HS6ST3: variants seen among roughly 807,000 people sequenced by gnomAD.
HS6ST3 encodes heparan sulfate 6-O-sulfotransferase 3.
A neutral mutation model predicts 36.7 loss-of-function variants in HS6ST3; 12 were observed. That is an observed-to-expected ratio of 0.33 (90% confidence interval 0.21 to 0.53). The LOEUF is 0.53. Ranked by LOEUF, HS6ST3 falls within the 20% of genes least tolerant of loss-of-function variation. The pLI is 0.95. For synonymous variants in HS6ST3, 240 were observed against 257.5 expected, an observed-to-expected ratio of 0.93 and a Z score of 0.65; for missense variants, 584 against 640.9, an observed-to-expected ratio of 0.91 and a Z score of 0.96.
chr13:96,636,437 A>G (rs1023446646), intron 1 of HS6ST3, among the ~76,000 whole-genome samples: 1 of 152,128 alleles, frequency 6.6e-6, no homozygotes, highest in African/African-American at 2.4e-5. Flanking sequence ...TGAGAGGAGA[A>G]TTTGGCTCCA....
chr13:96,325,869 T>C (rs1291930309), intron 1 of HS6ST3, among the ~76,000 whole-genome samples: 1 of 152,224 alleles, frequency 6.6e-6, no homozygotes, highest in African/African-American at 2.4e-5. Flanking sequence ...TTTTGTGTGT[T>C]AAAATCATTT....
At chr13:96,284,970 T>C (rs1052609868) in intron 1 of HS6ST3, among the ~76,000 whole-genome samples, 1 of 138,006 alleles carries the variant, frequency 7.2e-6, no homozygotes, top group Non-Finnish European at 1.6e-5. Flanking sequence ...TTTCTTTCTT[T>C]CTTTCTTGAA....
chr13:96,200,262 C>T (rs1002586761), intron 1 of HS6ST3, among the ~76,000 whole-genome samples: 3 of 152,288 alleles, frequency 2.0e-5, no homozygotes, highest in African/African-American at 7.2e-5. Flanking sequence ...TCATACCCTG[C>T]AATGGCTCTC....
chr13:96,203,030 C>T (rs2054350929), intron 1 of HS6ST3, among the ~76,000 whole-genome samples: 1 of 152,196 alleles, frequency 6.6e-6, no homozygotes, highest in South Asian at 2.1e-4. Flanking sequence ...CTCACTCCCT[C>T]ACTCATTTAC....
At chr13:96,831,975 A>AAAAAAAAAAAAAAAAAAAAAAAAAAAC (rs1566464310) in intron 1 of HS6ST3, among the ~76,000 whole-genome samples, 1 of 148,538 alleles carries the variant, frequency 6.7e-6, no homozygotes, top group African/African-American at 2.5e-5. Flanking sequence ...AAAAAAAAAA[A>AAAAAAAAAAAAAAAAAAAAAAAAAAAC]AAAAACAGAG....
intron 1 of HS6ST3, among the ~76,000 whole-genome samples, chr13:96,402,142 T>C (rs1205612748): frequency 1.3e-5 from 2 of 152,176 alleles, no homozygotes; most frequent in Non-Finnish European, 2.9e-5. Context: ...CCCAGTTCTA[T>C]TTAGGCCTCT....
intron 1 of HS6ST3, among the ~76,000 whole-genome samples, chr13:96,553,881 CT>C (rs2056229426): frequency 6.6e-6 from 1 of 152,138 alleles, no homozygotes; most frequent in South Asian, 2.1e-4. Context: ...AAGGTAACAG[CT>C]TGATGAAGGA....
At chr13:96,207,026 T>C (rs1256601164) in intron 1 of HS6ST3, among the ~76,000 whole-genome samples, 5 of 152,088 alleles carry the variant, frequency 3.3e-5, no homozygotes, top group Admixed American at 3.3e-4. Flanking sequence ...ACAGACAGCC[T>C]AAAGAATGGA....
At chr13:96,356,031 A>G (rs2055208464) in intron 1 of HS6ST3, among the ~76,000 whole-genome samples, 1 of 152,154 alleles carries the variant, frequency 6.6e-6, no homozygotes, top group Non-Finnish European at 1.5e-5. Context: ...TACCCATTTA[A>G]GTTTTATCAT....
chr13:96,212,715 T>A lies in HS6ST3; in HGVS notation c.707+121146T>A, dbSNP rs562629639. 3.9e-5 allele frequency among the ~76,000 whole-genome samples: 6 copies of A among 152,222 alleles called. No individual in the cohort carries two copies. The South Asian group carries it at 8.3e-4, about 21-fold the overall frequency. ...TTTTATCCTCTTGGTTGGCTGATAC[T>A]TTTTTGGGGGGTAAAGTGTGTAAGA... On this transcript the variant is annotated intron_variant, in intron 1 of 1. Transcript: ENST00000376705.
At chr13:96,257,131 G>T (rs1264981846) in intron 1 of HS6ST3, among the ~76,000 whole-genome samples, 1 of 152,040 alleles carries the variant, frequency 6.6e-6, no homozygotes, top group Non-Finnish European at 1.5e-5. Context: ...CAGGAGTTTC[G>T]CCCCTTCACT....
intron 1 of HS6ST3, among the ~76,000 whole-genome samples, chr13:96,442,030 T>C (rs991274251): frequency 8.6e-5 from 13 of 151,446 alleles, no homozygotes; most frequent in Non-Finnish European, 1.5e-4. Flanking sequence ...ATATAGTTTT[T>C]TTTTTTTTTC....
At chr13:96,562,049 A>G (rs35695537) in intron 1 of HS6ST3, among the ~76,000 whole-genome samples, 14,572 of 152,230 alleles carry the variant, frequency 0.096, 1,320 homozygotes, top group African/African-American at 0.24. Flanking sequence ...AAGAAAAGAA[A>G]TCATTCTGCC....
rs544040917 is a variant in HS6ST3 at position 96,102,954 on chromosome 13, C to T, written c.707+11385C>T. Among the ~76,000 whole-genome samples, 4 of 152,288 alleles carry T rather than the reference C, an allele frequency of 2.6e-5. No individual in the cohort carries two copies. In the East Asian group the frequency reaches 7.7e-4, roughly 29 times the overall value. On this transcript the variant is annotated intron_variant, in intron 1 of 1. Transcript: ENST00000376705. Reference sequence around the variant, plus strand: ...TAATAATTCAGTGAGTATACTCTTGCAGGATATTAATTTGTACTTTAAAAT... The same window carrying T: ...TAATAATTCAGTGAGTATACTCTTGTAGGATATTAATTTGTACTTTAAAAT...
chr13:96,504,919 A>G (rs1308720512), intron 1 of HS6ST3, among the ~76,000 whole-genome samples: 1 of 152,174 alleles, frequency 6.6e-6, no homozygotes, highest in Non-Finnish European at 1.5e-5. Context: ...AAATTTAAGA[A>G]TAATAAATGT....
intron 1 of HS6ST3, among the ~76,000 whole-genome samples, chr13:96,811,052 G>A (rs1267796932): frequency 1.3e-5 from 2 of 152,012 alleles, no homozygotes; most frequent in Non-Finnish European, 2.9e-5. Context: ...AAGTGATAAG[G>A]AAACAATGTT....
At chr13:96,256,508 G>A (rs1353934259) in intron 1 of HS6ST3, among the ~76,000 whole-genome samples, 1 of 152,208 alleles carries the variant, frequency 6.6e-6, no homozygotes, top group Non-Finnish European at 1.5e-5. Context: ...TGGCTGTGTG[G>A]TAGGGATCAG....
At chr13:96,585,217 T>C (rs1035281681) in intron 1 of HS6ST3, among the ~76,000 whole-genome samples, 3 of 152,174 alleles carry the variant, frequency 2.0e-5, no homozygotes, top group Non-Finnish European at 2.9e-5. Context: ...GGCACTATTA[T>C]AGAGGACTTT....
rs375346389 is a variant in HS6ST3 at position 96,436,568 on chromosome 13, A to G, written c.707+344999A>G. Among the ~76,000 whole-genome samples the G allele has an allele frequency of 2.6e-4, 40 of 152,320 alleles. 1 individual carries two copies. In the South Asian group the frequency reaches 8.3e-3, roughly 32 times the overall value. ...CTGTATTTGGAGACAGAGTCTTTGA[A>G]GATGCAATTAAATTAGAGTAAGGCC... On this transcript the variant is annotated intron_variant, in intron 1 of 1. Transcript: ENST00000376705.
Sources: gnomAD v4.1 joint callset for allele counts (sites outside exome capture counted in the v4.1 genomes callset) on GRCh38, gnomAD v4.1.1 for gene constraint, MANE v1.5 for transcripts, NCBI Gene and HGNC (gene_info 2026-07-23, HGNC 2026-07-21) for gene names.